The following SEMA3C variants were observed in gnomAD, a reference collection of about 807,000 sequenced individuals.
The protein encoded by SEMA3C is semaphorin-3C.
Under a neutral mutation model 89.4 loss-of-function variants are expected in SEMA3C, and 47 were observed. The ratio of observed to expected loss-of-function variants is 0.53; its 90% CI spans 0.42 to 0.67. The LOEUF (loss-of-function observed/expected upper bound fraction) is 0.67, where lower values mean the gene tolerates loss of function less well. SEMA3C is among the 30% of genes least tolerant of loss of function. SEMA3C has a pLI of 0.00. For missense variants in SEMA3C, 839 were observed against 929.1 expected (o/e 0.90, Z 1.26); for synonymous variants, 310 against 320.2 (o/e 0.97, Z 0.34).
At chr7:80,766,279 C>T (rs920101718) in intron 12 of SEMA3C, among the ~76,000 whole-genome samples, 21 of 152,292 alleles carry the variant, frequency 1.4e-4, no homozygotes, top group Non-Finnish European at 2.4e-4. Flanking sequence ...TAATGTCAGG[C>T]GACCAACAGG....
chr7:80,828,658 T>C lies in SEMA3C; in HGVS notation c.191A>G (p.Asp64Gly). ...ATCTTTGCTTCCCACATATATCCGG[T>C]CCTGATCTTCATCCATTAATAAAAT... is the stretch of plus-strand genomic sequence containing the variant. The part of the protein sequence containing the change: ...YRILLMDEDQ[D>G]RIYVGSKDHI... Residue 64 changes from aspartate to glycine, a missense_variant, in exon 3 of 18, where the codon GAC becomes GGC. Physicochemically the swap from Asp to Gly is moderately conservative, Grantham distance 94 (BLOSUM62 -1). Coordinates refer to ENST00000265361, the MANE Select transcript of SEMA3C (RefSeq NM_006379.5). 1 of 1,611,896 alleles carries C rather than the reference T, an allele frequency of 6.2e-7. No individual in the cohort carries two copies.
upstream of SEMA3C, among the ~76,000 whole-genome samples, chr7:80,920,686 C>G (rs1792391449): frequency 6.6e-6 from 1 of 152,146 alleles, no homozygotes; most frequent in East Asian, 1.9e-4. Flanking sequence ...ATAGTAACAA[C>G]AGTTAAAATT....
At chr7:80,806,788 T>A (rs1253149550) in intron 6 of SEMA3C, among the ~76,000 whole-genome samples, 2 of 152,170 alleles carry the variant, frequency 1.3e-5, no homozygotes, top group African/African-American at 2.4e-5. Context: ...ACTGTTGTTC[T>A]AGGATTACTC....
chr7:80,883,140 C>T (rs192010367), intron 2 of SEMA3C, among the ~76,000 whole-genome samples: 23 of 152,236 alleles, frequency 1.5e-4, no homozygotes, highest in Admixed American at 3.3e-4. Flanking sequence ...TTTGTTAATA[C>T]GCCACAAGCT....
Position 80,744,760 on chromosome 7 carries a change from T to C in SEMA3C, c.*134A>G. 1.1e-6 allele frequency: 1 copy of C among 939,232 alleles called. No individual in the cohort carries two copies. Among genetic ancestry groups the C allele is most frequent in the East Asian group, 2.5e-5 (1 of 40,796 alleles). The allele number at this position is 939,232 out of a possible 1,614,324, so 58.2% of individuals were successfully genotyped here. A position where few individuals can be genotyped will look rare whatever the true frequency, so the allele number is the denominator to read the frequency against. On this transcript the variant is annotated 3_prime_UTR_variant, in exon 18 of 18. Transcript: ENST00000265361. ...GAAAATGCATGCTCATTTCAGTTCGTGTAAAACTCACTTCAGGAGTAATCA... is the reference window on the plus strand; with the variant it reads ...GAAAATGCATGCTCATTTCAGTTCGCGTAAAACTCACTTCAGGAGTAATCA...
intron 4 of SEMA3C, among the ~76,000 whole-genome samples, chr7:80,824,230 A>T (rs2115793103): frequency 6.6e-6 from 1 of 152,270 alleles, no homozygotes; most frequent in Middle Eastern, 3.4e-3. Context: ...TAGATGATTA[A>T]CAGAGCTAAA....
chr7:80,853,504 A>G (rs529099103), intron 2 of SEMA3C, among the ~76,000 whole-genome samples: 6 of 152,336 alleles, frequency 3.9e-5, no homozygotes, highest in Non-Finnish European at 8.8e-5. Flanking sequence ...GTCAACTTAA[A>G]TTAACCAGGC....
At chr7:80,759,958 G>A (rs987147999) in intron 14 of SEMA3C, among the ~76,000 whole-genome samples, 8 of 152,120 alleles carry the variant, frequency 5.3e-5, no homozygotes, top group Non-Finnish European at 1.5e-5. Context: ...GACACAGGTA[G>A]TTTCATTCTA....
At chr7:80,849,028 G>T (rs1027437229) in intron 2 of SEMA3C, among the ~76,000 whole-genome samples, 1 of 151,972 alleles carries the variant, frequency 6.6e-6, no homozygotes, top group Non-Finnish European at 1.5e-5. Context: ...ACAGCAACAC[G>T]TTTCTTAACG....
At chr7:80,824,444 A>G (rs1789825101) in intron 4 of SEMA3C, among the ~76,000 whole-genome samples, 2 of 152,148 alleles carry the variant, frequency 1.3e-5, no homozygotes, top group Admixed American at 1.3e-4. Context: ...CAGGCTGAAA[A>G]CACCGGAAGA....
At chr7:80,900,673 A>G (rs1423848639) in intron 2 of SEMA3C, among the ~76,000 whole-genome samples, 4 of 152,308 alleles carry the variant, frequency 2.6e-5, no homozygotes, top group Admixed American at 6.5e-5. Context: ...GAGGTTGTGC[A>G]GAAGGGAATC....
chr7:80,885,811 T>C (rs1037595430), intron 2 of SEMA3C, among the ~76,000 whole-genome samples: 2 of 152,212 alleles, frequency 1.3e-5, no homozygotes, highest in African/African-American at 2.4e-5. Flanking sequence ...ACTATGTACA[T>C]TCCACCGCTC....
chr7:80,903,404 T>C (rs563664584), intron 2 of SEMA3C, among the ~76,000 whole-genome samples: 7 of 152,340 alleles, frequency 4.6e-5, no homozygotes, highest in African/African-American at 1.7e-4. Flanking sequence ...CTCACGCCTG[T>C]AATCCCAGCA....
chr7:80,872,108 A>G (rs1791072354), intron 2 of SEMA3C, among the ~76,000 whole-genome samples: 1 of 152,146 alleles, frequency 6.6e-6, no homozygotes, highest in Non-Finnish European at 1.5e-5. Context: ...TTACAAAATT[A>G]GTGAGAAGAG....
rs535559299 is a variant in SEMA3C, at chr7:80,886,416, T to C, written c.103+30263A>G. 1.1e-4 allele frequency among the ~76,000 whole-genome samples: 17 copies of C among 151,632 alleles called. No homozygotes were observed. In the East Asian group the frequency reaches 3.1e-3, roughly 28 times the overall value. On this transcript the variant is annotated intron_variant, in intron 2 of 17. Transcript: ENST00000265361. ...TTGCCCAGGATGGAGTGCAGTGGTG[T>C]GATCTCAGCTCACTGCAACCTCCGC...
At chr7:80,870,751 C>T (rs1791037401) in intron 2 of SEMA3C, among the ~76,000 whole-genome samples, 2 of 152,124 alleles carry the variant, frequency 1.3e-5, no homozygotes, top group Admixed American at 1.3e-4. Flanking sequence ...ACATTCTTAA[C>T]GTTTTGCTCT....
intron 2 of SEMA3C, among the ~76,000 whole-genome samples, chr7:80,840,597 C>CA (rs1790243128): frequency 6.7e-6 from 1 of 148,164 alleles, no homozygotes; most frequent in Non-Finnish European, 1.5e-5. Flanking sequence ...TAAAAATATG[C>CA]AAAAATTTGG....
At chr7:80,860,294 C>T (rs918788426) in intron 2 of SEMA3C, among the ~76,000 whole-genome samples, 16 of 151,784 alleles carry the variant, frequency 1.1e-4, no homozygotes, top group Admixed American at 1.3e-4. Context: ...AGATTATAAA[C>T]CTTCTCCTAA....
At chr7:80,891,088 C>T (rs1791600397) in intron 2 of SEMA3C, among the ~76,000 whole-genome samples, 1 of 152,136 alleles carries the variant, frequency 6.6e-6, no homozygotes, top group East Asian at 1.9e-4. Context: ...CTCGCTTCTG[C>T]CCTTAGTAAT....
Sources: gnomAD v4.1 joint callset for allele counts (sites outside exome capture counted in the v4.1 genomes callset) on GRCh38, gnomAD v4.1.1 for gene constraint, MANE v1.5 for transcripts, NCBI Gene and HGNC (gene_info 2026-07-23, HGNC 2026-07-21) for gene names.